Variants in ADGRD1 observed in about 807,000 individuals in gnomAD.
ADGRD1 encodes G-protein coupled receptor 133.
A neutral mutation model predicts 113.4 loss-of-function variants in ADGRD1; 77 were observed. The ratio of observed to expected loss-of-function variants is 0.68; its 90% CI spans 0.57 to 0.82. The LOEUF is 0.82. Among genes scored for constraint, ADGRD1 ranks in the 40% least tolerant of loss-of-function variants. The pLI, the probability that ADGRD1 is intolerant of heterozygous loss-of-function variation, is 0.00. For missense variants in ADGRD1, 1,036 were observed against 1,139.1 expected, an observed-to-expected ratio of 0.91 and a Z score of 1.30; for synonymous variants, 474 against 475.0, an observed-to-expected ratio of 1.00 and a Z score of 0.03.
intron 15 of ADGRD1, among the ~76,000 whole-genome samples, chr12:131,098,415 C>T (rs1356981125): frequency 6.6e-6 from 1 of 152,020 alleles, no homozygotes; most frequent in East Asian, 1.9e-4. Flanking sequence ...AGGGGGTGAG[C>T]CATGAGGGAC....
At chr12:131,118,262 T>G in intron 18 of ADGRD1, 123 bp from the exon 19 acceptor site, 1 of 685,594 alleles carries the variant, frequency 1.5e-6, no homozygotes, top group South Asian at 1.9e-5. Context: ...AGCACATAGT[T>G]CCCCCTCTGT....
At chr12:130,957,403 G>C (rs796909317) in intron 2 of ADGRD1, 1 of 148,124 alleles carries the variant, frequency 6.8e-6, no homozygotes, top group Non-Finnish European at 1.5e-5. Flanking sequence ...GCTCACACAC[G>C]TACACCCCAC....
chr12:131,136,018 T>A lies in ADGRD1; in HGVS notation c.2268-19T>A, dbSNP rs1245261463. On this transcript the variant is annotated intron_variant, in intron 21 of 24. Coordinates refer to ENST00000261654, the MANE Select transcript of ADGRD1 (RefSeq NM_198827.5). ...CTGCCCTCCTGCCACTCAGGGTGAC[T>A]GTCACTGTTTCTCTCCAGGTTGACA... The A allele has an allele frequency of 6.2e-7, 1 of 1,613,768 alleles. No homozygotes were observed. The highest frequency in any genetic ancestry group is 2.2e-5 in the East Asian group (1 of 44,872).
At chr12:131,046,630 T>C (rs1252496492) in intron 13 of ADGRD1, among the ~76,000 whole-genome samples, 1 of 98,786 alleles carries the variant, frequency 1.0e-5, no homozygotes, top group Non-Finnish European at 1.9e-5. Flanking sequence ...CTGGGCAGTG[T>C]CCTCCCTGGT....
Position 131,056,560 on chromosome 12 carries a change from G to A in ADGRD1, c.1474-20241G>A, listed in dbSNP as rs996946896. Reference sequence around the variant, plus strand: ...TGATACTGTGCTATATCACAGCACCGATAACATTAACATGAAGTTGTGGAG... The same window carrying A: ...TGATACTGTGCTATATCACAGCACCAATAACATTAACATGAAGTTGTGGAG... On this transcript the variant is annotated intron_variant, in intron 13 of 24. Transcript: ENST00000261654. Among the ~76,000 whole-genome samples the A allele has an allele frequency of 7.2e-5, 11 of 152,174 alleles. No homozygotes were observed. The South Asian group carries it at 1.5e-3, about 20-fold the overall frequency.
At chr12:130,988,012 C>T (rs1309719743) in intron 6 of ADGRD1, 1 of 153,256 alleles carries the variant, frequency 6.5e-6, no homozygotes. Flanking sequence ...CCGCCTTCCC[C>T]TCCCCCAGAC....
intron 3 of ADGRD1, chr12:130,968,726 T>C (rs1235604458): frequency 2.0e-6 from 1 of 510,444 alleles, no homozygotes; most frequent in South Asian, 2.5e-5. Flanking sequence ...AACTATCGCT[T>C]GCGGCCAAAT....
chr12:131,072,191 C>T (rs900200151), intron 13 of ADGRD1, among the ~76,000 whole-genome samples: 1 of 151,938 alleles, frequency 6.6e-6, no homozygotes, highest in Non-Finnish European at 1.5e-5. Flanking sequence ...CCCCTTTCTT[C>T]TCAAACGGGA....
At chr12:131,013,012 T>C (rs1593038735) in intron 12 of ADGRD1, among the ~76,000 whole-genome samples, 1 of 152,188 alleles carries the variant, frequency 6.6e-6, no homozygotes, top group Admixed American at 6.5e-5. Flanking sequence ...TGGGATCAAA[T>C]CAGGCAAATG....
chr12:130,958,208 T>TC lies in ADGRD1; in HGVS notation c.103+3548_103+3549insC, dbSNP rs1220557420. Among the ~76,000 whole-genome samples, 5 of 13,316 alleles carry TC rather than the reference T, an allele frequency of 3.8e-4. No homozygotes were observed. In the East Asian group the frequency reaches 0.36, roughly 951 times the overall value. 8.7% of individuals were successfully genotyped at this position (13,316 alleles called of 152,430 possible). On this transcript the variant is annotated intron_variant, in intron 2 of 24. Transcript: ENST00000261654. Reference sequence around the variant, plus strand: ...TCCCTCCATCCTATCCAATCCTTTCTTTTTTTTTTGAGACAGACTCTTTCT... The same window carrying TC: ...TCCCTCCATCCTATCCAATCCTTTCTCTTTTTTTTTGAGACAGACTCTTTCT...
In ADGRD1 at chr12:131,104,797, CCTGCTGCTGACGCCTCTG is replaced by C; in HGVS notation, c.1672-31_1672-14del. On this transcript the variant is annotated splice_polypyrimidine_tract_variant and intron_variant, in intron 15 of 24. Transcript: ENST00000261654. ...TTCAGGCTCCGATGGGGTGCCTGGG[CCTGCTGCTGACGCCTCTG>C]CTCTGCTCCCCGCAGCTTGCACGCG... 1 of 1,468,186 alleles carries C rather than the reference CCTGCTGCTGACGCCTCTG, an allele frequency of 6.8e-7. No homozygotes were observed. The allele number at this position is 1,468,186 out of a possible 1,614,324, so 90.9% of individuals were successfully genotyped here.
chr12:130,985,810 C>T (rs925495924), intron 5 of ADGRD1, among the ~76,000 whole-genome samples: 1 of 152,146 alleles, frequency 6.6e-6, no homozygotes, highest in Non-Finnish European at 1.5e-5. Context: ...CCTCGGCCTC[C>T]CAAAGTGCTG....
chr12:131,123,649 G>A (rs1015323845), intron 20 of ADGRD1, among the ~76,000 whole-genome samples: 1 of 151,850 alleles, frequency 6.6e-6, no homozygotes, highest in Non-Finnish European at 1.5e-5. Context: ...GTGAAACCCC[G>A]CCTCTACTAA....
In ADGRD1 at chr12:130,996,662, C is replaced by A. The variant is rs1307642949; in HGVS notation, c.967-3721C>A. Reference sequence around the variant, plus strand: ...GGCGGCTGGCCGGGCGGGGGGCTGACCCCCCCACCTCCCTCCCAGACGGGG... The same window carrying A: ...GGCGGCTGGCCGGGCGGGGGGCTGAACCCCCCACCTCCCTCCCAGACGGGG... On this transcript the variant is annotated intron_variant, in intron 8 of 24. Transcript: ENST00000261654. Among the ~76,000 whole-genome samples, 4 of 94,762 alleles carry A rather than the reference C, an allele frequency of 4.2e-5. No individual in the cohort carries two copies. In the East Asian group the frequency reaches 1.2e-3, roughly 27 times the overall value. 62.2% of individuals were successfully genotyped at this position (94,762 alleles called of 152,430 possible). A position where few individuals can be genotyped will look rare whatever the true frequency, so the allele number is the denominator to read the frequency against.
intron 13 of ADGRD1, among the ~76,000 whole-genome samples, chr12:131,054,399 T>C (rs1883669779): frequency 6.6e-6 from 1 of 152,364 alleles, no homozygotes; most frequent in South Asian, 2.1e-4. Context: ...TGTACTCTTT[T>C]CTGGCCTGGC....
At chr12:130,981,776 G>A in intron 4 of ADGRD1, 108 bp from the exon 5 acceptor site, 1 of 742,420 alleles carries the variant, frequency 1.3e-6, no homozygotes, top group Non-Finnish European at 2.3e-6. Context: ...TTTAGAATGG[G>A]GACAAAATGC....
chr12:130,974,765 C>T (rs1309661209), intron 4 of ADGRD1, among the ~76,000 whole-genome samples: 1 of 152,008 alleles, frequency 6.6e-6, no homozygotes, highest in East Asian at 1.9e-4. Flanking sequence ...TGTGGCTGTC[C>T]CCCGAGGGTG....
At chr12:131,058,764 C>G (rs1884083292) in intron 13 of ADGRD1, among the ~76,000 whole-genome samples, 1 of 152,178 alleles carries the variant, frequency 6.6e-6, no homozygotes, top group Admixed American at 6.5e-5. Flanking sequence ...GTGAGATGTC[C>G]TTTCTCTCTC....
intron 8 of ADGRD1, chr12:130,993,845 C>T (rs976750255): frequency 2.6e-5 from 4 of 154,860 alleles, no homozygotes; most frequent in African/African-American, 9.6e-5. Context: ...GGCACCGCCA[C>T]AATTCTCTCG....
Sources: allele counts gnomAD v4.1 joint callset (sites outside exome capture counted in the v4.1 genomes callset), GRCh38; gene constraint gnomAD v4.1.1; transcripts MANE v1.5; gene names NCBI Gene and HGNC (gene_info 2026-07-23, HGNC 2026-07-21).